Variants in RGL1 observed in about 807,000 individuals in gnomAD.
The protein encoded by RGL1 is ral guanine nucleotide dissociation stimulator like 1.
Under a neutral mutation model 95.2 loss-of-function variants are expected in RGL1, and 24 were observed. The ratio of observed to expected loss-of-function variants is 0.25; its 90% CI spans 0.18 to 0.35. The LOEUF (loss-of-function observed/expected upper bound fraction) is 0.35. Ranked by LOEUF, RGL1 falls within the 10% of genes least tolerant of loss-of-function variation. The pLI, the probability that RGL1 is intolerant of heterozygous loss-of-function variation, is 1.00. For missense variants in RGL1, 715 were observed against 936.3 expected, an observed-to-expected ratio of 0.76 and a Z score of 3.08; for synonymous variants, 329 against 344.9, an observed-to-expected ratio of 0.95 and a Z score of 0.51.
intron 1 of RGL1, among the ~76,000 whole-genome samples, chr1:183,657,923 T>C (rs61811212): frequency 1.1e-4 from 16 of 152,202 alleles, no homozygotes; most frequent in African/African-American, 2.7e-4. Context: ...TAAAAGTGTT[T>C]CAATTTCTCC....
chr1:183,786,835 T>A (rs1439672913), intron 2 of RGL1, among the ~76,000 whole-genome samples: 2 of 152,232 alleles, frequency 1.3e-5, no homozygotes, highest in Non-Finnish European at 2.9e-5. Flanking sequence ...TTTTAGGTCA[T>A]AAAATGGAGA....
chr1:183,660,465 C>A (rs1443329558), intron 1 of RGL1, among the ~76,000 whole-genome samples: 1 of 151,342 alleles, frequency 6.6e-6, no homozygotes, highest in Non-Finnish European at 1.5e-5. Context: ...CAAAGAAGGC[C>A]ATTACATAAT....
chr1:183,888,815 T>C (rs1158244881), intron 8 of RGL1, among the ~76,000 whole-genome samples: 1 of 152,138 alleles, frequency 6.6e-6, no homozygotes, highest in Admixed American at 6.5e-5. Context: ...TGGGGATGAT[T>C]TGAAGGATGT....
At chr1:183,643,022 T>G (rs1164226203) in intron 1 of RGL1, among the ~76,000 whole-genome samples, 2 of 152,332 alleles carry the variant, frequency 1.3e-5, no homozygotes, top group South Asian at 2.1e-4. Context: ...ATGTGGTGTT[T>G]GCCTATTTTT....
intron 1 of RGL1, among the ~76,000 whole-genome samples, chr1:183,690,099 T>C (rs1653851602): frequency 6.6e-6 from 1 of 152,122 alleles, no homozygotes; most frequent in Non-Finnish European, 1.5e-5. Flanking sequence ...TCAGCAGTAT[T>C]GACTGAAGGA....
At chr1:183,806,575 T>C in intron 2 of RGL1, 90 bp downstream of exon 2, 1 of 881,630 alleles carries the variant, frequency 1.1e-6, no homozygotes, top group South Asian at 1.6e-5. Context: ...GCAGGCTTTT[T>C]TTTTTTTCCT....
intron 2 of RGL1, among the ~76,000 whole-genome samples, chr1:183,813,276 T>C (rs192560909): frequency 4.3e-4 from 66 of 152,312 alleles, no homozygotes; most frequent in African/African-American, 1.6e-3. Flanking sequence ...GTCAGTGTTG[T>C]CCTCTTCTCA....
rs372409683 is a variant in RGL1, at chr1:183,651,811, C to T, written c.-33+15310C>T. On this transcript the variant is annotated intron_variant, in intron 1 of 18. Coordinates refer to the RGL1 transcript ENST00000304685. Reference sequence around the variant, plus strand: ...GCTGGATTTAACCCTTGGCAGTGGACGATCTCTTGGAACCTGACGCCATTT... The same window carrying T: ...GCTGGATTTAACCCTTGGCAGTGGATGATCTCTTGGAACCTGACGCCATTT... Among the ~76,000 whole-genome samples the T allele has an allele frequency of 3.9e-5, 6 of 152,300 alleles. No homozygotes were observed. The East Asian group carries it at 5.8e-4, about 15-fold the overall frequency.
At position 183,839,516 on chromosome 1, in the gene RGL1, C is replaced by T. The variant is rs139890798; in HGVS notation, c.139-8050C>T. ...TGTCCCTCCCATCTGCCACCTTCTCCATTCCTATTATTGTACTAGTTAAAG... is the reference window on the plus strand; with the variant it reads ...TGTCCCTCCCATCTGCCACCTTCTCTATTCCTATTATTGTACTAGTTAAAG... On this transcript the variant is annotated intron_variant, in intron 2 of 17. Transcript: ENST00000360851. Among the ~76,000 whole-genome samples the T allele has an allele frequency of 7.6e-4, 116 of 152,264 alleles. 1 individual carries two copies. The East Asian group carries it at 0.022, about 29-fold the overall frequency.
chr1:183,865,792 A>G (rs556059131), intron 3 of RGL1, among the ~76,000 whole-genome samples: 2 of 152,234 alleles, frequency 1.3e-5, no homozygotes, highest in East Asian at 3.8e-4. Context: ...TAGTTGTTAA[A>G]TGACTTTTCT....
intron 2 of RGL1, among the ~76,000 whole-genome samples, chr1:183,776,427 C>T (rs1029442629): frequency 3.9e-5 from 6 of 152,078 alleles, no homozygotes; most frequent in East Asian, 3.9e-4. Flanking sequence ...GGATTACAGG[C>T]GTGAGCCACC....
At chr1:183,846,546 A>C (rs1328439963) in intron 2 of RGL1, among the ~76,000 whole-genome samples, 1 of 151,944 alleles carries the variant, frequency 6.6e-6, no homozygotes, top group Non-Finnish European at 1.5e-5. Context: ...ATTTTTAAAA[A>C]AAAAAAGAAT....
At chr1:183,700,917 C>G (rs879927180) in intron 1 of RGL1, among the ~76,000 whole-genome samples, 10 of 152,194 alleles carry the variant, frequency 6.6e-5, no homozygotes, top group Admixed American at 6.5e-4. Flanking sequence ...CCCCTGAGCC[C>G]CTGACAGGCC....
At chr1:183,662,504 G>A (rs1297748427) in intron 1 of RGL1, among the ~76,000 whole-genome samples, 2 of 151,932 alleles carry the variant, frequency 1.3e-5, no homozygotes, top group Non-Finnish European at 2.9e-5. Flanking sequence ...CAACTTACAA[G>A]GGATGTGAAG....
chr1:183,849,483 G>T (rs3010057), intron 3 of RGL1, among the ~76,000 whole-genome samples: 73,527 of 120,970 alleles, frequency 0.61, 23,325 homozygotes, highest in Middle Eastern at 0.68. Context: ...CCAGTTTTTA[G>T]TTTTTTTTTT....
intron 2 of RGL1, among the ~76,000 whole-genome samples, chr1:183,769,415 C>T (rs1199081716): frequency 6.6e-6 from 1 of 152,204 alleles, no homozygotes; most frequent in Non-Finnish European, 1.5e-5. Flanking sequence ...TCCAAAGTCA[C>T]ATCTACTTTT....
At chr1:183,748,428 C>T (rs1184171648) in intron 2 of RGL1, among the ~76,000 whole-genome samples, 6 of 100,386 alleles carry the variant, frequency 6.0e-5, no homozygotes, top group South Asian at 3.3e-4. Context: ...TTTTTTGAGA[C>T]GGAGTCTCGC....
At chr1:183,646,403 T>C in intron 1 of RGL1, 1 of 150,086 alleles carries the variant, frequency 6.7e-6, no homozygotes, top group Non-Finnish European at 1.5e-5. Context: ...AACTCTTTTA[T>C]TAGCTTAGGA....
chr1:183,725,868 C>T (rs1656284201), intron 1 of RGL1, among the ~76,000 whole-genome samples: 1 of 152,172 alleles, frequency 6.6e-6, no homozygotes, highest in Non-Finnish European at 1.5e-5. Flanking sequence ...ACATTCTTTT[C>T]TAGTGCAGTG....
Sources: gnomAD v4.1 joint callset for allele counts (sites outside exome capture counted in the v4.1 genomes callset) on GRCh38, gnomAD v4.1.1 for gene constraint, MANE v1.5 for transcripts, NCBI Gene and HGNC (gene_info 2026-07-23, HGNC 2026-07-21) for gene names.